Variants in STAM observed in about 807,000 individuals in gnomAD.
STAM encodes signal transducing adaptor molecule.
Under a neutral mutation model 63.4 loss-of-function variants are expected in STAM, and 16 were observed. The ratio of observed to expected loss-of-function variants is 0.25; its 90% CI spans 0.17 to 0.38. The LOEUF (loss-of-function observed/expected upper bound fraction) is 0.38. Among genes scored for constraint, STAM ranks in the 10% least tolerant of loss-of-function variants. STAM has a pLI of 1.00. For missense variants in STAM, 636 were observed against 657.1 expected, an observed-to-expected ratio of 0.97 and a Z score of 0.35; for synonymous variants, 238 against 223.9, an observed-to-expected ratio of 1.06 and a Z score of -0.56.
intron 2 of STAM, among the ~76,000 whole-genome samples, chr10:17,684,153 G>T (rs529224684): frequency 1.3e-5 from 2 of 152,282 alleles, no homozygotes; most frequent in South Asian, 4.1e-4. Context: ...ACCTGTGCAT[G>T]CGTGGGTTTT....
Position 17,650,291 on chromosome 10 carries a change from A to T in STAM, c.40+5912A>T, listed in dbSNP as rs535388303. 5.3e-5 allele frequency among the ~76,000 whole-genome samples: 8 copies of T among 152,342 alleles called. No individual in the cohort carries two copies. In the South Asian group the frequency reaches 1.7e-3, roughly 32 times the overall value. On this transcript the variant is annotated intron_variant, in intron 1 of 13. Coordinates refer to ENST00000377524, the MANE Select transcript of STAM (RefSeq NM_003473.4). ...TAGGACCCCTTTGAATTCACTTTCT[A>T]CTTTGGTAAATAGGGATAGCAATAT...
rs1420628851 is a variant in STAM, at chr10:17,675,518, G to A, written c.126-9157G>A. Among the ~76,000 whole-genome samples, 5 of 143,610 alleles carry A rather than the reference G, an allele frequency of 3.5e-5. No homozygotes were observed. The East Asian group carries it at 6.1e-4, about 18-fold the overall frequency. 94.2% of individuals were successfully genotyped at this position (143,610 alleles called of 152,430 possible). On this transcript the variant is annotated intron_variant, in intron 2 of 13. Coordinates refer to ENST00000377524, the MANE Select transcript of STAM (RefSeq NM_003473.4). ...GACTCTGTCTCAAAAAAAAAAAAAA[G>A]ATAGTAGCGTTTTCTGAAATTGATG...
At chr10:17,707,913 C>T (rs556595613) in intron 12 of STAM, among the ~76,000 whole-genome samples, 20 of 150,278 alleles carry the variant, frequency 1.3e-4, no homozygotes, top group East Asian at 3.9e-4. Flanking sequence ...TTTTTTGAGA[C>T]GGAGTCTTGC....
chr10:17,656,647 G>T lies in STAM; in HGVS notation c.41-3817G>T, dbSNP rs1554822200. ...ATGTAATTCTTTTTATACATTGTTG[G>T]ATTCAGTTTGCTGATGTTTTTGTAA... On this transcript the variant is annotated intron_variant, in intron 1 of 13. Coordinates refer to ENST00000377524, the MANE Select transcript of STAM (RefSeq NM_003473.4). 2.0e-5 allele frequency among the ~76,000 whole-genome samples: 3 copies of T among 152,124 alleles called. No individual in the cohort carries two copies. In the South Asian group the frequency reaches 6.2e-4, roughly 31 times the overall value.
intron 1 of STAM, among the ~76,000 whole-genome samples, chr10:17,644,663 T>TAGCATCTGGTGC (rs1833449937): frequency 6.6e-6 from 1 of 152,144 alleles, no homozygotes; most frequent in Non-Finnish European, 1.5e-5. Flanking sequence ...GCAGCTGGTG[T>TAGCATCTGGTGC]AGCATCTGGT....
At chr10:17,668,563 G>A (rs1474518977) in intron 2 of STAM, among the ~76,000 whole-genome samples, 2 of 152,162 alleles carry the variant, frequency 1.3e-5, no homozygotes, top group Non-Finnish European at 2.9e-5. Context: ...TGTCATTACA[G>A]TACCATGCTG....
intron 2 of STAM, among the ~76,000 whole-genome samples, chr10:17,669,318 A>G (rs1554823758): frequency 6.7e-6 from 1 of 149,838 alleles, no homozygotes; most frequent in Non-Finnish European, 1.5e-5. Context: ...TTTAATTATT[A>G]ATATGTTTTG....
intron 8 of STAM, among the ~76,000 whole-genome samples, chr10:17,699,245 G>T (rs146115732): frequency 2.6e-4 from 39 of 152,286 alleles, no homozygotes; most frequent in Non-Finnish European, 4.9e-4. Context: ...ATAAGATTGG[G>T]AGATTCATTG....
intron 2 of STAM, among the ~76,000 whole-genome samples, chr10:17,680,815 T>A (rs1554825274): frequency 6.6e-6 from 1 of 152,226 alleles, no homozygotes; most frequent in Non-Finnish European, 1.5e-5. Flanking sequence ...TCATCCCTGT[T>A]ATAGCGTATT....
intron 5 of STAM, among the ~76,000 whole-genome samples, chr10:17,690,731 AG>A (rs1292631434): frequency 1.3e-5 from 2 of 152,212 alleles, no homozygotes; most frequent in Non-Finnish European, 2.9e-5. Flanking sequence ...TGAGTACAGA[AG>A]AAAATAATGT....
At chr10:17,678,636 A>T (rs1448955896) in intron 2 of STAM, among the ~76,000 whole-genome samples, 1 of 152,202 alleles carries the variant, frequency 6.6e-6, no homozygotes, top group Non-Finnish European at 1.5e-5. Flanking sequence ...TATATTTAAC[A>T]TAAAGTTTAC....
At chr10:17,656,293 T>TAA (rs34558527) in intron 1 of STAM, among the ~76,000 whole-genome samples, 85 of 127,884 alleles carry the variant, frequency 6.6e-4, no homozygotes, top group African/African-American at 1.3e-3. Context: ...GACTCCGTCT[T>TAA]AAAAAAAAAA....
chr10:17,678,723 C>T (rs1834957222), intron 2 of STAM, among the ~76,000 whole-genome samples: 1 of 152,102 alleles, frequency 6.6e-6, no homozygotes, highest in Admixed American at 6.5e-5. Context: ...CACCACTATC[C>T]ATTTTCAGAA....
At position 17,665,287 on chromosome 10, in the gene STAM, GTATT is replaced by G. The variant is rs1286251437; in HGVS notation, c.125+4745_125+4748del. 3.9e-5 allele frequency among the ~76,000 whole-genome samples: 6 copies of G among 152,002 alleles called. No individual in the cohort carries two copies. The East Asian group carries it at 5.8e-4, about 15-fold the overall frequency. ...TATTTATGTTTGTTGATTATATAAA[GTATT>G]TATTTCTTTTAAAAATAAGTATGTA... On this transcript the variant is annotated intron_variant, in intron 2 of 13. Coordinates refer to ENST00000377524, the MANE Select transcript of STAM (RefSeq NM_003473.4).
chr10:17,701,774 C>CT (rs1449611814), intron 9 of STAM, among the ~76,000 whole-genome samples: 2 of 152,114 alleles, frequency 1.3e-5, no homozygotes, highest in African/African-American at 4.8e-5. Context: ...GGAAGAAAGG[C>CT]TTACCGCTTG....
At position 17,692,304 on chromosome 10, in the gene STAM, AGGTTGAG is replaced by A. The variant is rs373440633; in HGVS notation, c.445-915_445-909del. On this transcript the variant is annotated intron_variant, in intron 5 of 13. Transcript: ENST00000377524. ...ACAAACAAGAGAATGTGTAATTAAC[AGGTTGAG>A]GGATGCTTCATTGACAGTGATATTT... Among the ~76,000 whole-genome samples the A allele has an allele frequency of 4.8e-3, 738 of 152,342 alleles. 3 individuals are homozygous for A. Among genetic ancestry groups the A allele is most frequent in the African/African-American group, 0.017 (709 of 41,586 alleles).
intron 2 of STAM, among the ~76,000 whole-genome samples, chr10:17,673,463 C>T (rs116343068): frequency 0.012 from 1,861 of 152,250 alleles, 36 homozygotes; most frequent in African/African-American, 0.035. Context: ...AGGCCCCATT[C>T]GCAATGACAG....
intron 2 of STAM, among the ~76,000 whole-genome samples, chr10:17,662,634 A>C (rs2357292): frequency 2.0e-5 from 3 of 152,006 alleles, no homozygotes; most frequent in Non-Finnish European, 2.9e-5. Flanking sequence ...TAGAGGGAGA[A>C]TGCCTGGGTT....
intron 9 of STAM, among the ~76,000 whole-genome samples, chr10:17,702,164 T>C (rs1260470743): frequency 6.6e-6 from 1 of 152,180 alleles, no homozygotes; most frequent in Admixed American, 6.5e-5. Context: ...ACTTGAAATA[T>C]AGTTAATGTT....
Sources: gnomAD v4.1 joint callset for allele counts (sites outside exome capture counted in the v4.1 genomes callset) on GRCh38, gnomAD v4.1.1 for gene constraint, MANE v1.5 for transcripts, NCBI Gene and HGNC (gene_info 2026-07-23, HGNC 2026-07-21) for gene names.